The following SLC35D4 variants were observed in gnomAD, a reference collection of about 807,000 sequenced individuals.
The protein encoded by SLC35D4 is UDP-N-acetylglucosamine transporter SLC35D4.
chr18:23,293,820 T>A, the SLC35D4 span, among the ~76,000 whole-genome samples: 26 of 152,312 alleles, frequency 1.7e-4, 1 homozygote, highest in East Asian at 3.3e-3. Context: ...AGAGACAGAG[T>A]TTGGCTCTGT....
At chr18:23,318,729 C>T in the SLC35D4 span, among the ~76,000 whole-genome samples, 1 of 152,136 alleles carries the variant, frequency 6.6e-6, no homozygotes, top group Non-Finnish European at 1.5e-5. Flanking sequence ...ATAAACCCAT[C>T]TATGTGATAT....
At chr18:23,349,128 T>C in the SLC35D4 span, among the ~76,000 whole-genome samples, 3 of 152,194 alleles carry the variant, frequency 2.0e-5, no homozygotes, top group South Asian at 6.2e-4. Flanking sequence ...AGTTTGATTA[T>C]AATGTGTCTA....
the SLC35D4 span, among the ~76,000 whole-genome samples, chr18:23,318,020 G>A: frequency 2.5e-4 from 38 of 152,256 alleles, no homozygotes; most frequent in Admixed American, 1.3e-3. Context: ...TTACAGGTGC[G>A]AGCCACTGTG....
chr18:23,362,629 A>G, the SLC35D4 span, among the ~76,000 whole-genome samples: 1 of 152,100 alleles, frequency 6.6e-6, no homozygotes, highest in African/African-American at 2.4e-5. Flanking sequence ...AACAAAAAAC[A>G]AACAAAGAAA....
the SLC35D4 span, among the ~76,000 whole-genome samples, chr18:23,308,177 G>A: frequency 1.3e-4 from 20 of 152,322 alleles, no homozygotes; most frequent in Middle Eastern, 3.4e-3. Context: ...TGAAGGCCTG[G>A]GGGATGAGCA....
chr18:23,419,225 GA>G, the SLC35D4 span, among the ~76,000 whole-genome samples: 8 of 152,270 alleles, frequency 5.3e-5, no homozygotes, highest in Admixed American at 1.3e-4. Context: ...GGTGAGGCAG[GA>G]GTAGATAACC....
the SLC35D4 span, chr18:23,377,069 G>C: frequency 4.6e-6 from 2 of 431,848 alleles, no homozygotes; most frequent in South Asian, 3.3e-5. Context: ...GAGCTGCTTG[G>C]CCTGCAGAGG....
chr18:23,421,746 G>A, the SLC35D4 span, among the ~76,000 whole-genome samples: 4 of 145,700 alleles, frequency 2.7e-5, no homozygotes, highest in Admixed American at 7.2e-5. Flanking sequence ...TTGCAATCTC[G>A]GCTCACTGCA....
the SLC35D4 span, among the ~76,000 whole-genome samples, chr18:23,336,577 T>C: frequency 6.6e-6 from 1 of 152,230 alleles, no homozygotes; most frequent in Non-Finnish European, 1.5e-5. Flanking sequence ...CAATGTATTT[T>C]CATCAGACCC....
chr18:23,266,675 A>C, the SLC35D4 span, among the ~76,000 whole-genome samples: 1 of 152,168 alleles, frequency 6.6e-6, no homozygotes, highest in Non-Finnish European at 1.5e-5. Context: ...GCTTTCTTGA[A>C]ACCAAATTCC....
the SLC35D4 span, among the ~76,000 whole-genome samples, chr18:23,269,362 T>G: frequency 6.6e-6 from 1 of 152,230 alleles, no homozygotes; most frequent in Admixed American, 6.5e-5. Flanking sequence ...GAAGAACGTG[T>G]TTGCTTCCCC....
At chr18:23,434,131 G>T in the SLC35D4 span, among the ~76,000 whole-genome samples, 1 of 152,082 alleles carries the variant, frequency 6.6e-6, no homozygotes, top group Non-Finnish European at 1.5e-5. Context: ...GGCCATAAAA[G>T]GTTCAAGCTT....
the SLC35D4 span, among the ~76,000 whole-genome samples, chr18:23,318,987 G>A: frequency 1.3e-5 from 2 of 151,648 alleles, no homozygotes; most frequent in African/African-American, 2.4e-5. Flanking sequence ...GGGATCACAG[G>A]TGCATGCCAC....
At chr18:23,351,917 G>A in the SLC35D4 span, among the ~76,000 whole-genome samples, 3 of 152,194 alleles carry the variant, frequency 2.0e-5, no homozygotes, top group African/African-American at 7.2e-5. Context: ...GTCCCCTTGT[G>A]TAAGTCACTT....
chr18:23,289,175 C>T, the SLC35D4 span, among the ~76,000 whole-genome samples: 30 of 152,218 alleles, frequency 2.0e-4, no homozygotes, highest in African/African-American at 7.0e-4. Flanking sequence ...TGCCAGTTTA[C>T]ACTGTTTCTC....
At chr18:23,346,572 T>C in the SLC35D4 span, among the ~76,000 whole-genome samples, 3 of 152,104 alleles carry the variant, frequency 2.0e-5, no homozygotes, top group Non-Finnish European at 2.9e-5. Flanking sequence ...TCCATTCCAA[T>C]GTTCAATAGA....
the SLC35D4 span, among the ~76,000 whole-genome samples, chr18:23,395,016 A>G: frequency 6.6e-6 from 1 of 151,948 alleles, no homozygotes; most frequent in African/African-American, 2.4e-5. Flanking sequence ...CCATTTTATA[A>G]AAGTTACAGG....
the SLC35D4 span, among the ~76,000 whole-genome samples, chr18:23,391,863 T>C: frequency 6.6e-6 from 1 of 152,164 alleles, no homozygotes; most frequent in Non-Finnish European, 1.5e-5. Flanking sequence ...TGTGAGATAC[T>C]ACAATATAAA....
chr18:23,389,602 G>T, the SLC35D4 span, among the ~76,000 whole-genome samples: 1 of 151,978 alleles, frequency 6.6e-6, no homozygotes. Flanking sequence ...CTGGAGTGCA[G>T]TGGCACGATC....
Sources: gnomAD v4.1 joint callset for allele counts (sites outside exome capture counted in the v4.1 genomes callset) on GRCh38, gnomAD v4.1.1 for gene constraint, MANE v1.5 for transcripts, NCBI Gene and HGNC (gene_info 2026-07-23, HGNC 2026-07-21) for gene names.